Variants in CCDC3 observed in about 807,000 individuals in gnomAD.
The protein encoded by CCDC3 is coiled-coil domain-containing protein 3.
A neutral mutation model predicts 21.4 loss-of-function variants in CCDC3; 24 were observed. The observed-to-expected ratio is 1.12, with a 90% CI of 0.81 to 1.58. CCDC3 has a LOEUF of 1.58. Among genes scored for constraint, CCDC3 ranks in the 40% most tolerant of loss-of-function variants. CCDC3 has a pLI of 0.00. For missense variants in CCDC3, 425 were observed against 360.9 expected (o/e 1.18, Z -1.44); for synonymous variants, 186 against 166.0 (o/e 1.12, Z -0.93).
At chr10:13,033,717 T>C (rs921374715) in intron 5 of CCDC3, among the ~76,000 whole-genome samples, 9 of 152,206 alleles carry the variant, frequency 5.9e-5, no homozygotes, top group Admixed American at 2.0e-4. Context: ...AAGACATTTA[T>C]GCAGGCAACA....
intron 2 of CCDC3, among the ~76,000 whole-genome samples, chr10:12,981,690 G>T (rs11258100): frequency 0.086 from 13,126 of 152,212 alleles, 661 homozygotes; most frequent in East Asian, 0.15. Context: ...ATTACTGAGG[G>T]CATCTATGAA....
chr10:13,011,655 C>T (rs1835985446), intron 5 of CCDC3, among the ~76,000 whole-genome samples: 1 of 152,098 alleles, frequency 6.6e-6, no homozygotes, highest in Non-Finnish European at 1.5e-5. Context: ...AGTGCTATTC[C>T]TATCAAACTA....
At chr10:13,084,567 A>G (rs1837079548) in intron 3 of CCDC3, among the ~76,000 whole-genome samples, 1 of 152,136 alleles carries the variant, frequency 6.6e-6, no homozygotes. Context: ...GATTACAGGC[A>G]TGAGCCACCG....
intron 2 of CCDC3, among the ~76,000 whole-genome samples, chr10:12,963,786 T>C (rs538272687): frequency 9.1e-4 from 138 of 152,134 alleles, no homozygotes; most frequent in Middle Eastern, 3.4e-3. Flanking sequence ...TTCACCATGT[T>C]GTTCTGGCTG....
Position 12,898,447 on chromosome 10 carries a change from C to T in CCDC3, c.782G>A (p.Gly261Glu), listed in dbSNP as rs1300947484. The change falls in exon 3 of 3, where the codon GGG (glycine) becomes GAG (glutamate). Residue 261 changes from glycine (G) to glutamate (E), a missense_variant. Coordinates refer to ENST00000378825, the MANE Select transcript of CCDC3 (RefSeq NM_031455.4). ...AGALPHINARGPVRPPYLRG is the reference protein window; with the variant it reads ...AGALPHINAREPVRPPYLRG Reference sequence around the variant, plus strand: ...CCGCAGGTAGGGGGGGCGCACGGGCCCCCGGGCATTGATGTGCGGCAGCGC... The same window carrying T: ...CCGCAGGTAGGGGGGGCGCACGGGCTCCCGGGCATTGATGTGCGGCAGCGC... 2 of 1,608,500 alleles carry T rather than the reference C, an allele frequency of 1.2e-6. No individual in the cohort carries two copies. Among genetic ancestry groups the T allele is most frequent in the African/African-American group, 2.7e-5 (2 of 74,702 alleles).
intron 2 of CCDC3, among the ~76,000 whole-genome samples, chr10:12,926,066 G>C (rs1040891923): frequency 6.6e-6 from 1 of 152,230 alleles, no homozygotes; most frequent in Non-Finnish European, 1.5e-5. Context: ...TGCTGACCCA[G>C]CTGGCAGGAG....
intron 2 of CCDC3, among the ~76,000 whole-genome samples, chr10:12,935,463 T>A (rs1322710007): frequency 1.3e-5 from 2 of 152,238 alleles, no homozygotes; most frequent in Admixed American, 6.5e-5. Context: ...ACTATTGGTA[T>A]AGTTGTATTA....
chr10:13,045,500 C>A (rs1463117291), intron 5 of CCDC3, among the ~76,000 whole-genome samples: 1 of 152,026 alleles, frequency 6.6e-6, no homozygotes, highest in Non-Finnish European at 1.5e-5. Context: ...CACCTGTAGA[C>A]CCAGCTACTC....
At chr10:12,999,465 G>A (rs1379507314) in intron 1 of CCDC3, among the ~76,000 whole-genome samples, 1 of 152,160 alleles carries the variant, frequency 6.6e-6, no homozygotes, top group East Asian at 1.9e-4. Context: ...AAAACACGTA[G>A]GGCTCACCAG....
At chr10:13,057,964 C>G in intron 4 of CCDC3, 2 of 625,148 alleles carry the variant, frequency 3.2e-6, no homozygotes, top group Non-Finnish European at 5.8e-6. Context: ...TCTTGTGTAT[C>G]TCCTCCATCA....
chr10:13,060,799 C>A (rs143738315), intron 4 of CCDC3, among the ~76,000 whole-genome samples: 1 of 152,230 alleles, frequency 6.6e-6, no homozygotes, highest in East Asian at 1.9e-4. Context: ...AGCCACCACA[C>A]CTAGGGTTCA....
intron 3 of CCDC3, among the ~76,000 whole-genome samples, chr10:13,077,394 T>C (rs1415764234): frequency 6.6e-6 from 1 of 152,190 alleles, no homozygotes; most frequent in Non-Finnish European, 1.5e-5. Flanking sequence ...TCCATGCTCA[T>C]GGATAGGAAG....
upstream of CCDC3, among the ~76,000 whole-genome samples, chr10:13,003,750 C>G (rs71492277): frequency 0.012 from 1,851 of 152,320 alleles, 21 homozygotes; most frequent in Middle Eastern, 0.031. Flanking sequence ...CCTCTCTTTT[C>G]TTTCCACATA....
At chr10:12,931,793 A>G (rs1263524823) in intron 2 of CCDC3, among the ~76,000 whole-genome samples, 1 of 152,230 alleles carries the variant, frequency 6.6e-6, no homozygotes, top group Non-Finnish European at 1.5e-5. Flanking sequence ...TAAACTGTCC[A>G]CATTTCAAGA....
At chr10:12,992,535 T>C (rs1392216854) in intron 2 of CCDC3, among the ~76,000 whole-genome samples, 1 of 152,098 alleles carries the variant, frequency 6.6e-6, no homozygotes, top group Non-Finnish European at 1.5e-5. Flanking sequence ...ACCACTATTC[T>C]AAATGAAGTA....
chr10:13,029,963 A>G (rs549206774), intron 5 of CCDC3, among the ~76,000 whole-genome samples: 10 of 152,344 alleles, frequency 6.6e-5, no homozygotes, highest in African/African-American at 2.4e-4. Context: ...AAGGCAGGCC[A>G]ACATTCAAAT....
chr10:13,017,480 G>A (rs1311969519), intron 5 of CCDC3, among the ~76,000 whole-genome samples: 1 of 134,386 alleles, frequency 7.4e-6, no homozygotes, highest in African/African-American at 2.8e-5. Context: ...CTGCGCCACT[G>A]CACTCATGCC....
At chr10:12,993,372 C>T (rs1835707634) in intron 2 of CCDC3, among the ~76,000 whole-genome samples, 1 of 152,150 alleles carries the variant, frequency 6.6e-6, no homozygotes, top group African/African-American at 2.4e-5. Context: ...CGATCAAGGT[C>T]TTCTGATTAC....
intron 2 of CCDC3, among the ~76,000 whole-genome samples, chr10:12,993,521 C>CTT (rs1835709237): frequency 6.6e-6 from 1 of 152,138 alleles, no homozygotes; most frequent in East Asian, 1.9e-4. Flanking sequence ...AAGTATGGGT[C>CTT]AGTCTGGGTC....
Sources: gnomAD v4.1 joint callset for allele counts (sites outside exome capture counted in the v4.1 genomes callset) on GRCh38, gnomAD v4.1.1 for gene constraint, MANE v1.5 for transcripts, NCBI Gene and HGNC (gene_info 2026-07-23, HGNC 2026-07-21) for gene names.